COL26A1: variants seen among roughly 807,000 people sequenced by gnomAD.
COL26A1 encodes the protein collagen type XXVI alpha 1 chain, also known as collagen alpha-1(XXVI) chain.
COL26A1 carries 41 observed loss-of-function variants against 59.3 expected under a neutral mutation model. That is an observed-to-expected ratio of 0.69 (90% CI 0.54 to 0.90). The LOEUF (loss-of-function observed/expected upper bound fraction) is 0.90, where lower values mean the gene tolerates loss of function less well. COL26A1 is among the 40% of genes least tolerant of loss of function. The pLI, the probability that COL26A1 is intolerant of heterozygous loss-of-function variation, is 0.00. For missense variants in COL26A1, 612 were observed against 602.3 expected, an observed-to-expected ratio of 1.02 and a Z score of -0.17; for synonymous variants, 266 against 256.0, an observed-to-expected ratio of 1.04 and a Z score of -0.37.
At chr7:101,424,320 G>A (rs1399176022) in intron 2 of COL26A1, among the ~76,000 whole-genome samples, 2 of 152,042 alleles carry the variant, frequency 1.3e-5, no homozygotes, top group Non-Finnish European at 1.5e-5. Flanking sequence ...GGAATGGGCC[G>A]GGTGTGGTGG....
At chr7:101,511,290 T>G (rs954128546) in intron 3 of COL26A1, among the ~76,000 whole-genome samples, 3 of 152,220 alleles carry the variant, frequency 2.0e-5, no homozygotes, top group African/African-American at 7.2e-5. Flanking sequence ...CCTGCCTCCC[T>G]TGGCCTGGCC....
intron 1 of COL26A1, among the ~76,000 whole-genome samples, chr7:101,387,630 G>GCGCTCTCTCTCTCTCTCTCTCTCTCTCT (rs1554404011): frequency 2.3e-5 from 3 of 132,424 alleles, no homozygotes; most frequent in African/African-American, 5.7e-5. Context: ...TCTCTCTCTC[G>GCGCTCTCTCTCTCTCTCTCTCTCTCTCT]CTCTCTCTCT....
chr7:101,408,871 C>G (rs1476997437), intron 1 of COL26A1, among the ~76,000 whole-genome samples: 1 of 152,214 alleles, frequency 6.6e-6, no homozygotes, highest in African/African-American at 2.4e-5. Flanking sequence ...CAGTTCCCAG[C>G]AGCAGTTTAC....
chr7:101,394,711 C>G (rs913612347), intron 1 of COL26A1, among the ~76,000 whole-genome samples: 1 of 150,246 alleles, frequency 6.7e-6, no homozygotes, highest in African/African-American at 2.5e-5. Flanking sequence ...GAATGAGCTG[C>G]TGCGCCCGGC....
chr7:101,484,243 G>T (rs1229478363), intron 3 of COL26A1, among the ~76,000 whole-genome samples: 2 of 152,068 alleles, frequency 1.3e-5, no homozygotes, highest in African/African-American at 2.4e-5. Context: ...ATGCTGTGAG[G>T]TAGCTTTGCT....
chr7:101,469,294 G>GT (rs981934518), intron 3 of COL26A1, among the ~76,000 whole-genome samples: 4 of 151,798 alleles, frequency 2.6e-5, no homozygotes, highest in Admixed American at 1.3e-4. Flanking sequence ...GACTGCTGTG[G>GT]TTTTTTTTCT....
At chr7:101,423,982 T>C (rs976387733) in intron 2 of COL26A1, among the ~76,000 whole-genome samples, 2 of 151,586 alleles carry the variant, frequency 1.3e-5, no homozygotes, top group Admixed American at 6.6e-5. Flanking sequence ...GGCAGGAGGA[T>C]TGCTTGAGGC....
At chr7:101,534,978 G>A (rs376172271) in intron 4 of COL26A1, among the ~76,000 whole-genome samples, 16 of 152,352 alleles carry the variant, frequency 1.1e-4, no homozygotes, top group African/African-American at 2.2e-4. Flanking sequence ...CGCCAGCCAC[G>A]TCACTGTTCC....
intron 5 of COL26A1, 68 bp downstream of exon 5, chr7:101,540,117 C>T: frequency 6.7e-7 from 1 of 1,502,532 alleles, no homozygotes; most frequent in Non-Finnish European, 8.9e-7. Flanking sequence ...CCTCCCAGGG[C>T]CTCCCTAGAG....
chr7:101,412,545 T>C (rs899157442), intron 1 of COL26A1, among the ~76,000 whole-genome samples: 2 of 148,612 alleles, frequency 1.3e-5, no homozygotes, highest in Admixed American at 6.9e-5. Context: ...CTAGGGAGGC[T>C]GAGACAGGAG....
chr7:101,459,801 C>T (rs574525962), intron 3 of COL26A1, among the ~76,000 whole-genome samples: 1 of 152,078 alleles, frequency 6.6e-6, no homozygotes, highest in Non-Finnish European at 1.5e-5. Context: ...GAAATGAATC[C>T]CCTAGACTCC....
intron 2 of COL26A1, among the ~76,000 whole-genome samples, chr7:101,429,007 C>T (rs1792713253): frequency 6.6e-6 from 1 of 150,796 alleles, no homozygotes; most frequent in Admixed American, 6.7e-5. Context: ...TCACTGCAAT[C>T]TCTGCCTCCA....
chr7:101,537,715 C>T (rs1795509622), intron 4 of COL26A1, among the ~76,000 whole-genome samples: 1 of 152,108 alleles, frequency 6.6e-6, no homozygotes, highest in Non-Finnish European at 1.5e-5. Context: ...GAGCTTTGCC[C>T]AGAATGGGGA....
intron 3 of COL26A1, among the ~76,000 whole-genome samples, chr7:101,521,001 T>C (rs755268104): frequency 1.3e-5 from 2 of 152,156 alleles, no homozygotes; most frequent in East Asian, 3.8e-4. Flanking sequence ...TCAGACTGGG[T>C]AATTGACGAA....
intron 1 of COL26A1, among the ~76,000 whole-genome samples, chr7:101,418,379 C>T (rs1320686484): frequency 6.6e-6 from 1 of 152,136 alleles, no homozygotes; most frequent in African/African-American, 2.4e-5. Context: ...CAATGTGGGC[C>T]CATCTACTTT....
chr7:101,494,554 T>C (rs554001777), intron 3 of COL26A1, among the ~76,000 whole-genome samples: 3 of 152,370 alleles, frequency 2.0e-5, no homozygotes, highest in South Asian at 4.1e-4. Flanking sequence ...ATTTCTATCC[T>C]TGGACCCTGG....
At chr7:101,412,381 A>C (rs1453891562) in intron 1 of COL26A1, among the ~76,000 whole-genome samples, 1 of 152,160 alleles carries the variant, frequency 6.6e-6, no homozygotes, top group Non-Finnish European at 1.5e-5. Context: ...ACAGTGGCTC[A>C]TGCCTGTAAT....
intron 1 of COL26A1, among the ~76,000 whole-genome samples, chr7:101,381,634 A>G (rs1252834208): frequency 6.6e-6 from 1 of 152,192 alleles, no homozygotes; most frequent in Non-Finnish European, 1.5e-5. Context: ...TCTAAGCCTC[A>G]AGCCCTTTTA....
At chr7:101,448,976 C>T (rs1391463973) in intron 3 of COL26A1, among the ~76,000 whole-genome samples, 1 of 152,226 alleles carries the variant, frequency 6.6e-6, no homozygotes, top group Non-Finnish European at 1.5e-5. Flanking sequence ...GAAATAGAGA[C>T]TCTGACAATT....
Sources: gnomAD v4.1 joint callset for allele counts (sites outside exome capture counted in the v4.1 genomes callset) on GRCh38, gnomAD v4.1.1 for gene constraint, MANE v1.5 for transcripts, NCBI Gene and HGNC (gene_info 2026-07-23, HGNC 2026-07-21) for gene names.